SPART: variants seen among roughly 807,000 people sequenced by gnomAD.
SPART encodes the protein spastic paraplegia 20 (Troyer syndrome).
In SPART, 35 loss-of-function variants were observed where a neutral mutation model predicts 58.7. The ratio of observed to expected loss-of-function variants is 0.60; its 90% CI spans 0.46 to 0.79. SPART has a LOEUF of 0.79. Among genes scored for constraint, SPART ranks in the 30% least tolerant of loss-of-function variants. The pLI is 0.00. For missense variants in SPART, 730 were observed against 786.1 expected (o/e 0.93, Z 0.85); for synonymous variants, 284 against 280.7 (o/e 1.01, Z -0.12).
chr13:36,306,350 AC>A (rs1329968516), intron 8 of SPART, among the ~76,000 whole-genome samples: 2 of 152,068 alleles, frequency 1.3e-5, no homozygotes, highest in African/African-American at 2.4e-5. Context: ...CTGTGTCTAT[AC>A]AAAAAGAAAG....
chr13:36,304,513 G>A lies in SPART; in HGVS notation c.1853C>T (p.Thr618Ile), dbSNP rs772826042. Residue 618 changes from threonine to isoleucine, a missense_variant, in exon 9 of 9, where the codon ACA becomes ATA. Transcript: ENST00000438666. ...GIKAMVKKTA[T>I]QTGHTLLEDY... Reference sequence around the variant, plus strand: ...CTCAAGGAGAGTGTGTCCTGTTTGTGTTGCAGTTTTCTTCACCATTGCTTT... The same window carrying A: ...CTCAAGGAGAGTGTGTCCTGTTTGTATTGCAGTTTTCTTCACCATTGCTTT... 1.2e-5 allele frequency: 19 copies of A among 1,614,082 alleles called. No individual in the cohort carries two copies. The East Asian group carries it at 4.2e-4, about 36-fold the overall frequency.
chr13:36,312,439 C>A lies in SPART; in HGVS notation c.1522G>T (p.Glu508Ter), dbSNP rs1390559187. The change falls in exon 7 of 9, where the codon GAA becomes TAA. Residue 508 changes from glutamate (E) to a stop codon, truncating the protein, a stop_gained. Transcript: ENST00000438666. LOFTEE classifies it high-confidence loss of function. ...VCTVANCVGK[E>*]LAPHVKKHGS... is the part of the protein sequence containing the mutation. ...TGCTTCTTGACATGTGGAGCTAGTT[C>A]TTTTCCAACGCAATTTGCTACAGTG... 2 of 1,614,020 alleles carry A rather than the reference C, an allele frequency of 1.2e-6. No individual in the cohort carries two copies. The highest frequency in any genetic ancestry group is 1.3e-5 in the African/African-American group (1 of 74,980).
At chr13:36,365,365 G>T (rs1886015318) in intron 1 of SPART, 1 of 281,782 alleles carries the variant, frequency 3.5e-6, no homozygotes, top group African/African-American at 2.2e-5. Context: ...TACTCTGTGT[G>T]TATGTGTATG....
intron 6 of SPART, 122 bp downstream of exon 6, chr13:36,314,105 G>T: frequency 1.0e-6 from 1 of 1,001,910 alleles, no homozygotes; most frequent in Non-Finnish European, 1.5e-6. Flanking sequence ...AAGAGAAACT[G>T]CTTTGTCCTA....
chr13:36,351,087 A>C (rs1249172391), upstream of SPART, among the ~76,000 whole-genome samples: 1 of 152,124 alleles, frequency 6.6e-6, no homozygotes, highest in African/African-American at 2.4e-5. Flanking sequence ...AAACACTCTG[A>C]CCTGTTTTCT....
At chr13:36,359,435 GC>G (rs1885751252) in intron 1 of SPART, among the ~76,000 whole-genome samples, 1 of 152,150 alleles carries the variant, frequency 6.6e-6, no homozygotes, top group Non-Finnish European at 1.5e-5. Context: ...AGAGTAATTT[GC>G]CAAGGCTAGA....
chr13:36,304,184 A>G lies in SPART; in HGVS notation c.*181T>C. 1 of 699,246 alleles carries G rather than the reference A, an allele frequency of 1.4e-6. No individual in the cohort carries two copies. The highest frequency in any genetic ancestry group is 2.4e-6 in the Non-Finnish European group (1 of 419,804). 43.3% of individuals were successfully genotyped at this position (699,246 alleles called of 1,614,324 possible). On this transcript the variant is annotated 3_prime_UTR_variant, in exon 9 of 9. Coordinates refer to ENST00000438666, the MANE Select transcript of SPART (RefSeq NM_015087.5). ...ACTTCACATTTCTAAGGCCAGATGC[A>G]AGAATACTTATTCTTTTCCTTTTAA... is the stretch of plus-strand genomic sequence containing the variant.
chr13:36,357,256 G>A (rs903496765), intron 1 of SPART, among the ~76,000 whole-genome samples: 21 of 152,164 alleles, frequency 1.4e-4, no homozygotes, highest in Admixed American at 1.3e-4. Context: ...GCAAGTGCAT[G>A]AGTGAAACTT....
In SPART at chr13:36,365,872, C is replaced by T. The variant is rs141573163; in HGVS notation, c.-3+4217G>A. 21 of 223,486 alleles carry T rather than the reference C, an allele frequency of 9.4e-5. 1 individual carries two copies. Among genetic ancestry groups the T allele is most frequent in the Middle Eastern group, 9.3e-4 (2 of 2,146 alleles). 13.8% of individuals were successfully genotyped at this position (223,486 alleles called of 1,614,324 possible). On this transcript the variant is annotated intron_variant, in intron 1 of 8. Transcript: ENST00000355182. ...AGAGCTCATCTTCTGGTCTCTTTACCCCTTCTCATACAGAGCCAGTCACCA... is the reference window on the plus strand; with the variant it reads ...AGAGCTCATCTTCTGGTCTCTTTACTCCTTCTCATACAGAGCCAGTCACCA...
intron 1 of SPART, among the ~76,000 whole-genome samples, chr13:36,362,171 CA>C (rs1451349705): frequency 3.3e-5 from 5 of 151,822 alleles, no homozygotes; most frequent in Non-Finnish European, 7.4e-5. Flanking sequence ...GGCAACATGG[CA>C]AAACCCCGTC....
intron 1 of SPART, among the ~76,000 whole-genome samples, chr13:36,358,603 A>G (rs959256935): frequency 2.6e-5 from 4 of 152,176 alleles, no homozygotes; most frequent in African/African-American, 4.8e-5. Context: ...AATCCAAAAT[A>G]TTTCCTTAGT....
At chr13:36,356,839 A>G (rs1885639701) in intron 1 of SPART, among the ~76,000 whole-genome samples, 2 of 152,350 alleles carry the variant, frequency 1.3e-5, no homozygotes, top group African/African-American at 4.8e-5. Context: ...AAGGGAGGAT[A>G]CATGGAAGTT....
chr13:36,318,762 G>A (rs1254234826), intron 5 of SPART, among the ~76,000 whole-genome samples: 4 of 152,128 alleles, frequency 2.6e-5, no homozygotes, highest in Non-Finnish European at 4.4e-5. Flanking sequence ...CCCGCAGCCC[G>A]GGATTCCTCC....
rs757177738 is a variant in SPART, at chr13:36,304,305, T to G, written c.*60A>C. The stretch of plus-strand genomic sequence containing the variant: ...ATCTGTGAGGAATTCCACATTTGCC[T>G]ATTTAACAAAATTTCATCCATTTCA... On this transcript the variant is annotated 3_prime_UTR_variant, in exon 9 of 9. Transcript: ENST00000438666. 6.2e-7 allele frequency: 1 copy of G among 1,600,216 alleles called. No individual in the cohort carries two copies. Among genetic ancestry groups the G allele is most frequent in the Non-Finnish European group, 8.6e-7 (1 of 1,168,408 alleles).
chr13:36,357,611 A>C lies in SPART; in HGVS notation c.-3+12478T>G, dbSNP rs185291355. On this transcript the variant is annotated intron_variant, in intron 1 of 8. Transcript: ENST00000355182. ...ATGTGAAAGAACCCTTTGGCAAAAC[A>C]GCAAAGTGGTTAAGAATTATGCATT... Among the ~76,000 whole-genome samples the C allele has an allele frequency of 2.3e-4, 35 of 152,362 alleles. No homozygotes were observed. The East Asian group carries it at 3.1e-3, about 13-fold the overall frequency.
chr13:36,321,449 G>C (rs963097736), intron 5 of SPART, among the ~76,000 whole-genome samples: 1 of 152,062 alleles, frequency 6.6e-6, no homozygotes, highest in Non-Finnish European at 1.5e-5. Flanking sequence ...TTCTCCTTCT[G>C]TTATTCCATT....
Position 36,304,527 on chromosome 13 carries a change from C to T in SPART, c.1839G>A (p.Val613=). ...GTCCTGTTTGTGTTGCAGTTTTCTTCACCATTGCTTTGATACCAATGTTGT... is the reference window on the plus strand; with the variant it reads ...GTCCTGTTTGTGTTGCAGTTTTCTTTACCATTGCTTTGATACCAATGTTGT... The part of the protein sequence containing the change: ...NINNIGIKAM[V]KKTATQTGHT... Residue 613 remains valine (V), a synonymous_variant, in exon 9 of 9, where the codon GTG becomes GTA. Coordinates refer to ENST00000438666, the MANE Select transcript of SPART (RefSeq NM_015087.5). The T allele has an allele frequency of 6.2e-7, 1 of 1,614,126 alleles. No homozygotes were observed. Among genetic ancestry groups the T allele is most frequent in the Non-Finnish European group, 8.5e-7 (1 of 1,179,998 alleles).
At position 36,303,947 on chromosome 13, in the gene SPART, TAA is replaced by T; in HGVS notation, c.*416_*417del. The T allele has an allele frequency of 5.6e-6, 1 of 179,430 alleles. No homozygotes were observed. Among genetic ancestry groups the T allele is most frequent in the Non-Finnish European group, 1.2e-5 (1 of 84,352 alleles). 11.1% of individuals were successfully genotyped at this position (179,430 alleles called of 1,614,324 possible). A position where few individuals can be genotyped will look rare whatever the true frequency, so the allele number is the denominator to read the frequency against. On this transcript the variant is annotated 3_prime_UTR_variant, in exon 9 of 9. Transcript: ENST00000438666. The stretch of plus-strand genomic sequence containing the variant: ...AGTGCAAAAAGAGGGGACAATACTT[TAA>T]GTCATTCCTTCTATAAAAAGAATTA...
At chr13:36,324,003 T>C (rs1307372264) in intron 5 of SPART, among the ~76,000 whole-genome samples, 1 of 152,240 alleles carries the variant, frequency 6.6e-6, no homozygotes, top group African/African-American at 2.4e-5. Context: ...TAACTGGCTG[T>C]ACTGCTTCCG....
Sources: gnomAD v4.1 joint callset for allele counts (sites outside exome capture counted in the v4.1 genomes callset) on GRCh38, gnomAD v4.1.1 for gene constraint, MANE v1.5 for transcripts, NCBI Gene and HGNC (gene_info 2026-07-23, HGNC 2026-07-21) for gene names.